GSG1L: variants seen among roughly 807,000 people sequenced by gnomAD.
GSG1L encodes the protein GSG1 like, also known as germ cell-specific gene 1-like protein.
GSG1L carries 24 observed loss-of-function variants against 42.1 expected under a neutral mutation model. That is an observed-to-expected ratio of 0.57 (90% CI 0.41 to 0.80). The LOEUF is 0.80. GSG1L is among the 30% of genes least tolerant of loss of function. The pLI is 0.00. For missense variants in GSG1L, 445 were observed against 472.2 expected, an observed-to-expected ratio of 0.94 and a Z score of 0.53; for synonymous variants, 215 against 203.5, an observed-to-expected ratio of 1.06 and a Z score of -0.48.
At chr16:28,053,674 C>T (rs952548882) in intron 1 of GSG1L, among the ~76,000 whole-genome samples, 2 of 152,130 alleles carry the variant, frequency 1.3e-5, no homozygotes, top group Non-Finnish European at 2.9e-5. Context: ...GCTCGCCTCT[C>T]TCCTCTCCAG....
At chr16:27,961,418 C>CCAGAGGGCTGCACATCG (rs1555511039) in intron 2 of GSG1L, among the ~76,000 whole-genome samples, 35 of 152,186 alleles carry the variant, frequency 2.3e-4, no homozygotes, top group Non-Finnish European at 3.7e-4. Context: ...GCTGCACATC[C>CCAGAGGGCTGCACATCG]CAGAAGGCTG....
At position 27,934,959 on chromosome 16, in the gene GSG1L, C is replaced by T. The variant is rs551105351; in HGVS notation, c.397+28197G>A. Among the ~76,000 whole-genome samples, 4 of 152,342 alleles carry T rather than the reference C, an allele frequency of 2.6e-5. No individual in the cohort carries two copies. The South Asian group carries it at 6.2e-4, about 24-fold the overall frequency. The stretch of plus-strand genomic sequence containing the variant: ...TTGGCATTGAACAAGACAGGCAAGG[C>T]AGTGCCCTTGTGGAGTTCAAGGTCT... On this transcript the variant is annotated intron_variant, in intron 2 of 6. Transcript: ENST00000447459.
intron 2 of GSG1L, among the ~76,000 whole-genome samples, chr16:27,885,248 C>T (rs1037422152): frequency 3.9e-5 from 6 of 152,146 alleles, no homozygotes; most frequent in African/African-American, 1.4e-4. Context: ...TTCCTGGGCT[C>T]AAGCCATCCT....
intron 1 of GSG1L, among the ~76,000 whole-genome samples, chr16:28,062,259 G>A (rs988800787): frequency 1.3e-5 from 2 of 152,190 alleles, no homozygotes; most frequent in African/African-American, 4.8e-5. Context: ...ACGCACTCCA[G>A]CCCAGGCTGC....
chr16:27,821,394 A>AC (rs2083149166), intron 5 of GSG1L, among the ~76,000 whole-genome samples: 1 of 152,094 alleles, frequency 6.6e-6, no homozygotes, highest in South Asian at 2.1e-4. Flanking sequence ...CAAACCCTGA[A>AC]CATAGTACCT....
chr16:27,917,561 C>G (rs886929906), intron 2 of GSG1L, among the ~76,000 whole-genome samples: 1 of 152,178 alleles, frequency 6.6e-6, no homozygotes, highest in Non-Finnish European at 1.5e-5. Flanking sequence ...AGGCCTTCCT[C>G]TGAAGCCAGA....
intron 1 of GSG1L, among the ~76,000 whole-genome samples, chr16:28,018,243 G>A: frequency 6.6e-6 from 1 of 152,124 alleles, no homozygotes; most frequent in East Asian, 1.9e-4. Flanking sequence ...AATAATAAAG[G>A]CATTCAGTTC....
chr16:27,882,697 C>T (rs1187493263), intron 3 of GSG1L, among the ~76,000 whole-genome samples: 1 of 152,332 alleles, frequency 6.6e-6, no homozygotes, highest in East Asian at 1.9e-4. Context: ...CCACCCCACT[C>T]ATCCCGACTC....
chr16:27,991,765 G>A (rs2085459720), intron 1 of GSG1L, among the ~76,000 whole-genome samples: 1 of 152,220 alleles, frequency 6.6e-6, no homozygotes, highest in South Asian at 2.1e-4. Flanking sequence ...CTTATTCTGA[G>A]AAAACCAAAA....
At chr16:27,956,849 G>A (rs914184092) in intron 2 of GSG1L, among the ~76,000 whole-genome samples, 6 of 151,362 alleles carry the variant, frequency 4.0e-5, no homozygotes, top group African/African-American at 1.5e-4. Flanking sequence ...GAATGCCACT[G>A]GGTTGTGTGA....
At chr16:27,912,993 G>T (rs28442153) in intron 2 of GSG1L, among the ~76,000 whole-genome samples, 9,878 of 147,140 alleles carry the variant, frequency 0.067, 370 homozygotes, top group African/African-American at 0.095. Flanking sequence ...GTGTGTGTGT[G>T]TTTTTTTTTA....
chr16:27,843,130 T>A (rs2083405241), intron 4 of GSG1L, among the ~76,000 whole-genome samples: 1 of 152,150 alleles, frequency 6.6e-6, no homozygotes, highest in Non-Finnish European at 1.5e-5. Flanking sequence ...AAGTACTCAG[T>A]TAATATGTGT....
At chr16:27,867,315 G>C (rs893408969) in intron 3 of GSG1L, among the ~76,000 whole-genome samples, 1 of 152,194 alleles carries the variant, frequency 6.6e-6, no homozygotes, top group Non-Finnish European at 1.5e-5. Flanking sequence ...GTGACCTCAG[G>C]CATGTTAGTT....
At chr16:27,978,910 T>A (rs1271092514) in intron 1 of GSG1L, among the ~76,000 whole-genome samples, 1 of 152,142 alleles carries the variant, frequency 6.6e-6, no homozygotes, top group Non-Finnish European at 1.5e-5. Flanking sequence ...TAGGATTTAA[T>A]TCAGACAACA....
intron 5 of GSG1L, among the ~76,000 whole-genome samples, chr16:27,826,573 A>C (rs901066071): frequency 6.6e-6 from 1 of 152,160 alleles, no homozygotes; most frequent in Non-Finnish European, 1.5e-5. Context: ...GGGAAGTGCG[A>C]CAGGGAAGGG....
chr16:27,886,328 T>C (rs1275793155), intron 2 of GSG1L, among the ~76,000 whole-genome samples: 2 of 152,114 alleles, frequency 1.3e-5, no homozygotes, highest in Non-Finnish European at 2.9e-5. Context: ...TAATACCAGC[T>C]ACTCGGGAGG....
At chr16:28,016,881 T>C (rs1235196909) in intron 1 of GSG1L, among the ~76,000 whole-genome samples, 3 of 152,144 alleles carry the variant, frequency 2.0e-5, no homozygotes, top group Admixed American at 6.5e-5. Flanking sequence ...TCCTTCCAAA[T>C]CCGCTTGCCT....
rs192639583 is a variant in GSG1L, at chr16:27,877,596, A to G, written c.550+6890T>C. On this transcript the variant is annotated intron_variant, in intron 3 of 6. Transcript: ENST00000447459. The stretch of plus-strand genomic sequence containing the variant: ...CTTCCCATTCCCTTGCCCCTCCCCA[A>G]CCCTGTCCCTCAGCCCTGGGGGGCC... Among the ~76,000 whole-genome samples the G allele has an allele frequency of 1.1e-4, 17 of 152,112 alleles. No homozygotes were observed. The East Asian group carries it at 3.3e-3, about 29-fold the overall frequency.
At chr16:28,046,650 G>A (rs541221642) in intron 1 of GSG1L, among the ~76,000 whole-genome samples, 9 of 152,118 alleles carry the variant, frequency 5.9e-5, no homozygotes, top group East Asian at 1.9e-4. Flanking sequence ...CACCAAGCCC[G>A]GCCCGAAATC....
Sources: allele counts gnomAD v4.1 joint callset (sites outside exome capture counted in the v4.1 genomes callset), GRCh38; gene constraint gnomAD v4.1.1; transcripts MANE v1.5; gene names NCBI Gene and HGNC (gene_info 2026-07-23, HGNC 2026-07-21).